The following UBE2J2 variants were observed in gnomAD, a reference collection of about 807,000 sequenced individuals.
UBE2J2 encodes ubiquitin-conjugating enzyme E2 J2.
Under a neutral mutation model 28.6 loss-of-function variants are expected in UBE2J2, and 5 were observed. That is an observed-to-expected ratio of 0.17 (90% CI 0.09 to 0.37). UBE2J2 has a LOEUF of 0.37. Ranked by LOEUF, UBE2J2 falls within the 10% of genes least tolerant of loss-of-function variation. The pLI is 1.00. For missense variants in UBE2J2, 226 were observed against 338.9 expected, an observed-to-expected ratio of 0.67 and a Z score of 2.62; for synonymous variants, 138 against 139.7, an observed-to-expected ratio of 0.99 and a Z score of 0.09.
intron 2 of UBE2J2, chr1:1,266,006 C>A (rs1557563077): frequency 2.0e-5 from 25 of 1,273,456 alleles, no homozygotes; most frequent in Non-Finnish European, 2.5e-5. Flanking sequence ...GGACGCCTGA[C>A]CCACAGATTT....
At chr1:1,260,759 T>C (rs906467644) in intron 3 of UBE2J2, among the ~76,000 whole-genome samples, 3 of 152,250 alleles carry the variant, frequency 2.0e-5, no homozygotes, top group African/African-American at 7.2e-5. Context: ...CCCTCATCAC[T>C]GGGGTAAGTC....
Position 1,263,395 on chromosome 1 carries a change from G to C in UBE2J2, c.132-9C>G, listed in dbSNP as rs760734691. 3 of 1,611,984 alleles carry C rather than the reference G, an allele frequency of 1.9e-6. No individual in the cohort carries two copies. The East Asian group carries it at 6.7e-5, about 36-fold the overall frequency. Reference sequence around the variant, plus strand: ...CTCGGACGACATAGTGCCTAAGGGAGAGAAGAAAATTACTTGGGATTTGAG... The same window carrying C: ...CTCGGACGACATAGTGCCTAAGGGACAGAAGAAAATTACTTGGGATTTGAG... On this transcript the variant is annotated splice_polypyrimidine_tract_variant and intron_variant, in intron 2 of 6. Coordinates refer to ENST00000349431, the MANE Select transcript of UBE2J2 (RefSeq NM_058167.3).
At chr1:1,270,645 C>A (rs1640101998) in intron 1 of UBE2J2, among the ~76,000 whole-genome samples, 1 of 152,192 alleles carries the variant, frequency 6.6e-6, no homozygotes, top group African/African-American at 2.4e-5. Flanking sequence ...CCCGTGGGTC[C>A]AGAAGGTCTG....
intron 3 of UBE2J2, among the ~76,000 whole-genome samples, chr1:1,258,153 C>A (rs544956138): frequency 3.9e-5 from 6 of 152,178 alleles, no homozygotes; most frequent in African/African-American, 7.2e-5. Flanking sequence ...GATTATTCTG[C>A]CTCAGCCTCC....
At chr1:1,269,312 G>A (rs1364118567) in intron 1 of UBE2J2, among the ~76,000 whole-genome samples, 3 of 144,852 alleles carry the variant, frequency 2.1e-5, no homozygotes, top group Non-Finnish European at 4.5e-5. Context: ...CCACACCCGA[G>A]ACTGGGGAGA....
At chr1:1,261,078 G>A (rs907683455) in intron 3 of UBE2J2, among the ~76,000 whole-genome samples, 3 of 152,188 alleles carry the variant, frequency 2.0e-5, no homozygotes, top group African/African-American at 7.2e-5. Flanking sequence ...GGAAGCTGTC[G>A]TCAGCAGCAT....
chr1:1,269,224 C>G (rs1228030643), intron 1 of UBE2J2, among the ~76,000 whole-genome samples: 2 of 147,430 alleles, frequency 1.4e-5, no homozygotes, highest in East Asian at 4.0e-4. Flanking sequence ...GCCCCTCAGC[C>G]ACACCCGAGA....
In UBE2J2 at chr1:1,265,603, TTGTGTGTGTGTGTGTGTG is replaced by T. The variant is rs57125925; in HGVS notation, c.132-2235_132-2218del. Among the ~76,000 whole-genome samples, 466 of 121,024 alleles carry T rather than the reference TTGTGTGTGTGTGTGTGTG, an allele frequency of 3.9e-3. 3 individuals are homozygous for T. The highest frequency in any genetic ancestry group is 0.023 in the Admixed American group (266 of 11,362). 79.4% of individuals were successfully genotyped at this position (121,024 alleles called of 152,430 possible). A position where few individuals can be genotyped will look rare whatever the true frequency, so the allele number is the denominator to read the frequency against. On this transcript the variant is annotated intron_variant, in intron 2 of 6. Transcript: ENST00000349431. The stretch of plus-strand genomic sequence containing the variant: ...TGTGTGTGTGTGTGTTTTCTCTCCA[TTGTGTGTGTGTGTGTGTG>T]TGTGTGTGTGTGTGTGTGTGTGTGT...
intron 2 of UBE2J2, among the ~76,000 whole-genome samples, chr1:1,264,098 G>C (rs903327660): frequency 2.6e-5 from 4 of 152,086 alleles, no homozygotes; most frequent in Non-Finnish European, 5.9e-5. Context: ...CTAGTGATGC[G>C]GGGCCGGCTC....
In UBE2J2 at chr1:1,255,159, T is replaced by C. The variant is rs1482216068; in HGVS notation, c.*44A>G. 21 of 1,536,122 alleles carry C rather than the reference T, an allele frequency of 1.4e-5. No individual in the cohort carries two copies. Among genetic ancestry groups the C allele is most frequent in the Non-Finnish European group, 1.8e-5 (20 of 1,136,542 alleles). ...CCAGCCTGCCGAGGTCACGCTCTGG[T>C]GCGCGGTGCCCTCAGTGGCGCCTTG... On this transcript the variant is annotated 3_prime_UTR_variant, in exon 7 of 7. Transcript: ENST00000349431.
chr1:1,255,402 TC>T lies in UBE2J2; in HGVS notation c.580del (p.Glu194ArgfsTer45). On this transcript the variant is annotated frameshift_variant, in exon 7 of 7. Transcript: ENST00000349431. LOFTEE classifies it high-confidence loss of function. ...LPLPDVVPDG[E>X]THLVQNGIQL... Reference sequence around the variant, plus strand: ...AATCCCGTTCTGGACGAGGTGCGTCTCCCCGTCTGGAACCACGTCTGGCAAG... The same window carrying T: ...AATCCCGTTCTGGACGAGGTGCGTCTCCCGTCTGGAACCACGTCTGGCAAG... 6.2e-7 allele frequency: 1 copy of T among 1,613,874 alleles called. No homozygotes were observed. The highest frequency in any genetic ancestry group is 8.5e-7 in the Non-Finnish European group (1 of 1,180,022).
intron 1 of UBE2J2, among the ~76,000 whole-genome samples, chr1:1,271,994 A>ATAAAAT (rs1640173816): frequency 2.0e-5 from 3 of 148,512 alleles, no homozygotes; most frequent in African/African-American, 5.1e-5. Flanking sequence ...AAAAAAAAAA[A>ATAAAAT]AAAAAAAAAA....
chr1:1,272,389 G>A (rs1640198781), intron 1 of UBE2J2, among the ~76,000 whole-genome samples: 1 of 152,222 alleles, frequency 6.6e-6, no homozygotes, highest in Non-Finnish European at 1.5e-5. Context: ...TGAGGCAGTG[G>A]CTGCCCAGCG....
intron 3 of UBE2J2, among the ~76,000 whole-genome samples, chr1:1,260,336 G>C (rs561910600): frequency 1.3e-5 from 2 of 152,358 alleles, no homozygotes; most frequent in African/African-American, 4.8e-5. Context: ...AGGCTGGAAC[G>C]ATGTTTAGCT....
intron 2 of UBE2J2, chr1:1,263,607 A>C (rs937260877): frequency 8.3e-6 from 4 of 481,706 alleles, no homozygotes; most frequent in Non-Finnish European, 1.5e-5. Flanking sequence ...TAGAGACTAT[A>C]CTTTATAAGT....
rs1553154853 is a variant in UBE2J2 at position 1,257,407 on chromosome 1, C to CCCCG, written c.173-98_173-97insCGGG. 46 of 554,638 alleles carry CCCCG rather than the reference C, an allele frequency of 8.3e-5. No individual in the cohort carries two copies. In the African/African-American group the frequency reaches 1.2e-3, roughly 14 times the overall value. 34.4% of individuals were successfully genotyped at this position (554,638 alleles called of 1,614,324 possible). A position where few individuals can be genotyped will look rare whatever the true frequency, so the allele number is the denominator to read the frequency against. On this transcript the variant is annotated intron_variant, in intron 3 of 6. Coordinates refer to ENST00000349431, the MANE Select transcript of UBE2J2 (RefSeq NM_058167.3). ...CCCCCCACGCCACCCCCCCCCCCCCCCTCAGCTCGGCTCCCGAGTCCTCAT... is the reference window on the plus strand; with the variant it reads ...CCCCCCACGCCACCCCCCCCCCCCCCCCCGCTCAGCTCGGCTCCCGAGTCCTCAT...
chr1:1,260,040 T>G (rs1639464721), intron 3 of UBE2J2, among the ~76,000 whole-genome samples: 1 of 152,146 alleles, frequency 6.6e-6, no homozygotes, highest in Admixed American at 6.5e-5. Context: ...CTGCCTCCCC[T>G]GAAGACACAC....
At chr1:1,264,224 C>G (rs1436716106) in intron 2 of UBE2J2, among the ~76,000 whole-genome samples, 1 of 152,192 alleles carries the variant, frequency 6.6e-6, no homozygotes, top group Non-Finnish European at 1.5e-5. Context: ...AGTCCCCACA[C>G]AGAGCTCACC....
At chr1:1,262,522 G>C (rs918091501) in intron 3 of UBE2J2, 4 of 328,272 alleles carry the variant, frequency 1.2e-5, no homozygotes, top group African/African-American at 4.4e-5. Flanking sequence ...CCTTCTTCTA[G>C]CAGCAGCACT....
Sources: gnomAD v4.1 joint callset for allele counts (sites outside exome capture counted in the v4.1 genomes callset) on GRCh38, gnomAD v4.1.1 for gene constraint, MANE v1.5 for transcripts, NCBI Gene and HGNC (gene_info 2026-07-23, HGNC 2026-07-21) for gene names.